The following HSPA12A variants were observed in gnomAD, a reference collection of about 807,000 sequenced individuals.
HSPA12A encodes heat shock 70 kDa protein 12A.
Under a neutral mutation model 69.2 loss-of-function variants are expected in HSPA12A, and 28 were observed. The ratio of observed to expected loss-of-function variants is 0.40; its 90% confidence interval spans 0.30 to 0.55. The LOEUF (loss-of-function observed/expected upper bound fraction) is 0.55, where lower values mean the gene tolerates loss of function less well. Among genes scored for constraint, HSPA12A ranks in the 20% least tolerant of loss-of-function variants. HSPA12A has a pLI of 0.38. For missense variants in HSPA12A, 686 were observed against 900.7 expected (o/e 0.76, Z 3.05); for synonymous variants, 345 against 370.5 (o/e 0.93, Z 0.79).
At chr10:116,746,389 C>T (rs552491369), upstream of HSPA12A, among the ~76,000 whole-genome samples, 3 of 152,310 alleles carry the variant, frequency 2.0e-5, no homozygotes, top group South Asian at 6.2e-4. Flanking sequence ...TCAGAAGAAA[C>T]TGAGGATAAT....
In HSPA12A at chr10:116,671,952, C is replaced by T; in HGVS notation, c.*2829G>A. On this transcript the variant is annotated 3_prime_UTR_variant, in exon 12 of 12. Coordinates refer to ENST00000369209, the MANE Select transcript of HSPA12A (RefSeq NM_025015.3). The stretch of plus-strand genomic sequence containing the variant: ...GATTTGGGGGTTTCATTTAAGGACT[C>T]TGACAACTGGGGCTGCAGCTCTGTG... 1 of 152,388 alleles carries T rather than the reference C, an allele frequency of 6.6e-6. No individual in the cohort carries two copies. Among genetic ancestry groups the T allele is most frequent in the East Asian group, 1.9e-4 (1 of 5,188 alleles). The allele number at this position is 152,388 out of a possible 1,614,324, so 9.4% of individuals were successfully genotyped here. A position where few individuals can be genotyped will look rare whatever the true frequency, so the allele number is the denominator to read the frequency against.
chr10:116,818,603 G>A (rs776931612), intron 2 of HSPA12A, among the ~76,000 whole-genome samples: 7 of 152,100 alleles, frequency 4.6e-5, no homozygotes, highest in African/African-American at 1.2e-4. Flanking sequence ...TGGCAGTGAC[G>A]TATGGAAGGG....
At chr10:116,760,739 A>G (rs1236292298) in intron 2 of HSPA12A, among the ~76,000 whole-genome samples, 1 of 152,228 alleles carries the variant, frequency 6.6e-6, no homozygotes, top group Non-Finnish European at 1.5e-5. Context: ...GATATTTGTG[A>G]AAGTACTTTC....
rs145903972 is a variant in HSPA12A at position 116,754,882 on chromosome 10, C to T, written c.92-47597G>A. ...TTGCATACTTTGGGAAATCCTATGG[C>T]AACACTTAGAAAACACTGACCAGTT... On this transcript the variant is annotated intron_variant, in intron 2 of 12. Transcript: ENST00000635765. Among the ~76,000 whole-genome samples the T allele has an allele frequency of 6.8e-3, 1,038 of 152,316 alleles. 11 individuals carry two copies. Among genetic ancestry groups the T allele is most frequent in the African/African-American group, 0.024 (984 of 41,574 alleles).
chr10:116,781,558 G>A (rs868969924), intron 2 of HSPA12A, among the ~76,000 whole-genome samples: 17 of 152,284 alleles, frequency 1.1e-4, no homozygotes, highest in African/African-American at 3.8e-4. Context: ...CCAAGGTGAG[G>A]CCAAGGGCAG....
chr10:116,849,328 C>T (rs75278611), intron 1 of HSPA12A, among the ~76,000 whole-genome samples: 337 of 152,328 alleles, frequency 2.2e-3, no homozygotes, highest in African/African-American at 7.6e-3. Flanking sequence ...GGGCCCTAGT[C>T]TCGGGAGTCT....
intron 2 of HSPA12A, among the ~76,000 whole-genome samples, chr10:116,828,540 T>C (rs1035239616): frequency 6.6e-6 from 1 of 152,184 alleles, no homozygotes; most frequent in African/African-American, 2.4e-5. Context: ...AAACTGTAAC[T>C]CGATGCATGC....
chr10:116,696,453 T>C (rs1426673398), intron 5 of HSPA12A, among the ~76,000 whole-genome samples: 3 of 152,182 alleles, frequency 2.0e-5, no homozygotes, highest in African/African-American at 7.2e-5. Context: ...GCACAAGCTC[T>C]CTTGCCTGCA....
intron 4 of HSPA12A, 60 bp downstream of exon 4, chr10:116,700,883 C>G: frequency 1.3e-6 from 2 of 1,555,304 alleles, no homozygotes; most frequent in Non-Finnish European, 1.8e-6. Flanking sequence ...CACCCCAAGG[C>G]TGGAGGAAGC....
At chr10:116,735,261 T>G (rs183254377) in intron 1 of HSPA12A, among the ~76,000 whole-genome samples, 1 of 152,340 alleles carries the variant, frequency 6.6e-6, no homozygotes, top group African/African-American at 2.4e-5. Flanking sequence ...TTTCAACATT[T>G]TTGCCAAGCC....
rs748930815 is a variant in HSPA12A, at chr10:116,673,268, G to A, written c.*1513C>T. ...TCCAGTTGGTTCCTCAGTCAGCTCCGTTCTTGGTGTCGCTTTCTTGCAATT... is the reference window on the plus strand; with the variant it reads ...TCCAGTTGGTTCCTCAGTCAGCTCCATTCTTGGTGTCGCTTTCTTGCAATT... On this transcript the variant is annotated 3_prime_UTR_variant, in exon 12 of 12. Transcript: ENST00000369209. 3 of 152,026 alleles carry A rather than the reference G, an allele frequency of 2.0e-5. No individual in the cohort carries two copies. The highest frequency in any genetic ancestry group is 2.1e-4 in the South Asian group (1 of 4,812). 9.4% of individuals were successfully genotyped at this position (152,026 alleles called of 1,614,324 possible). A position where few individuals can be genotyped will look rare whatever the true frequency, so the allele number is the denominator to read the frequency against.
chr10:116,741,946 G>A (rs925305735), intron 1 of HSPA12A, among the ~76,000 whole-genome samples: 13 of 152,132 alleles, frequency 8.5e-5, no homozygotes, highest in Non-Finnish European at 1.5e-4. Context: ...GAGGGAACAG[G>A]TCCAAATCTC....
intron 2 of HSPA12A, among the ~76,000 whole-genome samples, chr10:116,778,545 C>T (rs989081548): frequency 6.6e-6 from 1 of 152,200 alleles, no homozygotes; most frequent in East Asian, 1.9e-4. Context: ...TTGGCTGAAG[C>T]TTTGTGTAGT....
intron 2 of HSPA12A, among the ~76,000 whole-genome samples, chr10:116,801,329 C>T (rs1450021048): frequency 6.6e-6 from 1 of 152,156 alleles, no homozygotes; most frequent in Admixed American, 6.5e-5. Flanking sequence ...GTTTTCATGG[C>T]ACATCCATCG....
At chr10:116,742,879 C>T (rs1354623181), upstream of HSPA12A, among the ~76,000 whole-genome samples, 2 of 152,006 alleles carry the variant, frequency 1.3e-5, no homozygotes, top group Non-Finnish European at 2.9e-5. Context: ...GCCCTCGGGG[C>T]CCCGCGGCGC....
chr10:116,716,204 C>T (rs1554883762), intron 1 of HSPA12A, among the ~76,000 whole-genome samples: 2 of 151,964 alleles, frequency 1.3e-5, no homozygotes, highest in African/African-American at 4.8e-5. Flanking sequence ...GTCTGAGAAA[C>T]AGTAGGGTAT....
chr10:116,719,031 G>A (rs1297444165), intron 1 of HSPA12A, among the ~76,000 whole-genome samples: 3 of 152,156 alleles, frequency 2.0e-5, no homozygotes, highest in Non-Finnish European at 4.4e-5. Flanking sequence ...CAGAGGGCTG[G>A]TTCAGACCTC....
At chr10:116,825,265 C>T (rs948764203) in intron 2 of HSPA12A, among the ~76,000 whole-genome samples, 8 of 151,508 alleles carry the variant, frequency 5.3e-5, no homozygotes, top group Admixed American at 2.0e-4. Flanking sequence ...ATCCCAGCAC[C>T]TTGGGAGGCC....
chr10:116,715,483 A>G (rs1554883687), intron 1 of HSPA12A, among the ~76,000 whole-genome samples: 1 of 152,240 alleles, frequency 6.6e-6, no homozygotes, highest in Non-Finnish European at 1.5e-5. Context: ...CTCTAGGGAT[A>G]CATTCTCAAA....
Sources: gnomAD v4.1 joint callset for allele counts (sites outside exome capture counted in the v4.1 genomes callset) on GRCh38, gnomAD v4.1.1 for gene constraint, MANE v1.5 for transcripts, NCBI Gene and HGNC (gene_info 2026-07-23, HGNC 2026-07-21) for gene names.